The following ROBO2 variants were observed in gnomAD, a reference collection of about 807,000 sequenced individuals.
ROBO2 encodes the protein roundabout guidance receptor 2.
Under a neutral mutation model 160.8 loss-of-function variants are expected in ROBO2, and 53 were observed. The ratio of observed to expected loss-of-function variants is 0.33; its 90% CI spans 0.26 to 0.41. The LOEUF is 0.41. Among genes scored for constraint, ROBO2 ranks in the 10% least tolerant of loss-of-function variants. The pLI, the probability that ROBO2 is intolerant of heterozygous loss-of-function variation, is 1.00. For missense variants in ROBO2, 1,577 were observed against 1,722.4 expected (o/e 0.92, Z 1.49); for synonymous variants, 664 against 611.7 (o/e 1.09, Z -1.26).
intron 2 of ROBO2, among the ~76,000 whole-genome samples, chr3:75,963,179 A>G (rs1475420982): frequency 1.3e-5 from 2 of 151,590 alleles, no homozygotes; most frequent in Non-Finnish European, 2.9e-5. Context: ...GTTTTTATCT[A>G]TTTTTATTTA....
intron 2 of ROBO2, among the ~76,000 whole-genome samples, chr3:77,306,991 A>G (rs577238119): frequency 6.6e-6 from 1 of 152,342 alleles, no homozygotes; most frequent in African/African-American, 2.4e-5. Flanking sequence ...AAATTTAATA[A>G]TGCATTCTTG....
chr3:76,555,537 C>A (rs2083736515), intron 2 of ROBO2, among the ~76,000 whole-genome samples: 2 of 152,006 alleles, frequency 1.3e-5, no homozygotes, highest in Admixed American at 6.6e-5. Context: ...ATGAAGTATG[C>A]TTAATGCCAA....
intron 2 of ROBO2, among the ~76,000 whole-genome samples, chr3:77,277,189 T>TTTCTTTCTTTCTTTC (rs2059921016): frequency 3.8e-5 from 5 of 131,304 alleles, no homozygotes; most frequent in South Asian, 2.6e-4. Flanking sequence ...TCTTTCTTTC[T>TTTCTTTCTTTCTTTC]TTCTTTCTTT....
intron 2 of ROBO2, among the ~76,000 whole-genome samples, chr3:77,213,154 C>T (rs1035295786): frequency 3.9e-5 from 6 of 152,106 alleles, no homozygotes; most frequent in African/African-American, 2.4e-5. Context: ...AGGAATGGTA[C>T]CAGCTCCTCC....
chr3:77,253,787 C>T (rs138852084), intron 2 of ROBO2, among the ~76,000 whole-genome samples: 88 of 152,194 alleles, frequency 5.8e-4, no homozygotes, highest in African/African-American at 2.0e-3. Flanking sequence ...ATCCTGAACT[C>T]TAGAACCAGA....
At chr3:77,170,569 T>C (rs996857103) in intron 2 of ROBO2, among the ~76,000 whole-genome samples, 5 of 152,168 alleles carry the variant, frequency 3.3e-5, no homozygotes, top group Non-Finnish European at 7.3e-5. Context: ...ATCTTCTCTG[T>C]GGCACACGTC....
chr3:77,376,700 G>A (rs1409700332), intron 2 of ROBO2, among the ~76,000 whole-genome samples: 1 of 152,002 alleles, frequency 6.6e-6, no homozygotes, highest in East Asian at 1.9e-4. Context: ...TTAATTACCT[G>A]CATATTTTAA....
At chr3:76,248,310 C>T (rs1260340547) in intron 2 of ROBO2, among the ~76,000 whole-genome samples, 1 of 151,880 alleles carries the variant, frequency 6.6e-6, no homozygotes, top group Admixed American at 6.6e-5. Flanking sequence ...ACTATGCAGC[C>T]ATAAAAAATG....
At chr3:76,828,306 CTTTAT>C (rs570044054) in intron 2 of ROBO2, among the ~76,000 whole-genome samples, 10 of 152,068 alleles carry the variant, frequency 6.6e-5, no homozygotes, top group African/African-American at 2.4e-4. Context: ...CCTTTATACA[CTTTAT>C]TTTATCTATA....
At chr3:77,314,112 C>A (rs1262080697) in intron 2 of ROBO2, among the ~76,000 whole-genome samples, 1 of 152,132 alleles carries the variant, frequency 6.6e-6, no homozygotes, top group Non-Finnish European at 1.5e-5. Context: ...CGTAGTAATG[C>A]ATGCCATATT....
intron 2 of ROBO2, among the ~76,000 whole-genome samples, chr3:77,384,783 T>A (rs1254151579): frequency 2.6e-5 from 4 of 152,224 alleles, no homozygotes; most frequent in African/African-American, 7.2e-5. Context: ...TTAGAATTTG[T>A]GTTAATGAGA....
rs115747109 is a variant in ROBO2 at position 76,891,876 on chromosome 3, C to A, written c.110-206138C>A. On this transcript the variant is annotated intron_variant, in intron 2 of 26. Coordinates refer to the ROBO2 transcript ENST00000487694. Reference sequence around the variant, plus strand: ...TAACATTTAGAGAAGAAAGTAACTACCTTGGAGAATTTTGGTGTAAAGTGG... The same window carrying A: ...TAACATTTAGAGAAGAAAGTAACTAACTTGGAGAATTTTGGTGTAAAGTGG... Among the ~76,000 whole-genome samples, 1,430 of 152,142 alleles carry A rather than the reference C, an allele frequency of 9.4e-3. 12 individuals are homozygous for A. Among genetic ancestry groups the A allele is most frequent in the Middle Eastern group, 0.02 (6 of 294 alleles).
At chr3:77,056,940 G>A (rs1478889943) in intron 1 of ROBO2, among the ~76,000 whole-genome samples, 1 of 151,908 alleles carries the variant, frequency 6.6e-6, no homozygotes, top group Non-Finnish European at 1.5e-5. Context: ...AATGCCATTT[G>A]ACCCAGAGAT....
At chr3:77,339,010 T>C (rs939961052) in intron 2 of ROBO2, among the ~76,000 whole-genome samples, 1 of 152,104 alleles carries the variant, frequency 6.6e-6, no homozygotes, top group Admixed American at 6.6e-5. Flanking sequence ...AGAGGAGTAT[T>C]ATGATAGAAC....
At chr3:76,019,723 C>T (rs1404484722) in intron 2 of ROBO2, among the ~76,000 whole-genome samples, 2 of 150,924 alleles carry the variant, frequency 1.3e-5, no homozygotes, top group Non-Finnish European at 3.0e-5. Flanking sequence ...TAGGTTTTCT[C>T]TGAAGTTCCA....
At chr3:77,644,857 T>C in exon 25 of ROBO2, 1 of 1,614,062 alleles carries the variant, frequency 6.2e-7, no homozygotes, top group South Asian at 1.1e-5. Flanking sequence ...CTTCTTGACA[T>C]AGGATATATG....
intron 2 of ROBO2, among the ~76,000 whole-genome samples, chr3:76,325,058 T>G (rs1576435755): frequency 6.6e-6 from 1 of 152,184 alleles, no homozygotes; most frequent in South Asian, 2.1e-4. Context: ...TGAGCAGAGA[T>G]CGCACCACTG....
At chr3:76,978,942 T>G (rs1199718787) in intron 2 of ROBO2, among the ~76,000 whole-genome samples, 13 of 149,588 alleles carry the variant, frequency 8.7e-5, no homozygotes, top group South Asian at 2.1e-4. Flanking sequence ...TTGTTTGTTT[T>G]TTAAAAAAAA....
intron 2 of ROBO2, among the ~76,000 whole-genome samples, chr3:77,257,673 A>G (rs2058511119): frequency 1.3e-5 from 2 of 152,234 alleles, no homozygotes; most frequent in African/African-American, 4.8e-5. Flanking sequence ...TTTCAGCAAC[A>G]TTAGCTTAGC....
Sources: gnomAD v4.1 joint callset for allele counts (sites outside exome capture counted in the v4.1 genomes callset) on GRCh38, gnomAD v4.1.1 for gene constraint, MANE v1.5 for transcripts, NCBI Gene and HGNC (gene_info 2026-07-23, HGNC 2026-07-21) for gene names.